PTPRC: variants seen among roughly 807,000 people sequenced by gnomAD.
PTPRC encodes the protein protein tyrosine phosphatase receptor type C.
Under a neutral mutation model 155.9 loss-of-function variants are expected in PTPRC, and 44 were observed. The ratio of observed to expected loss-of-function variants is 0.28; its 90% CI spans 0.22 to 0.36. PTPRC has a LOEUF of 0.36. Among genes scored for constraint, PTPRC ranks in the 10% least tolerant of loss-of-function variants. The probability of loss-of-function intolerance (pLI) is 1.00; values close to 1 mark genes in which losing one functional copy is unlikely to be tolerated. For missense variants in PTPRC, 1,401 were observed against 1,564.6 expected, an observed-to-expected ratio of 0.90 and a Z score of 1.76; for synonymous variants, 525 against 533.1, an observed-to-expected ratio of 0.98 and a Z score of 0.21.
intron 2 of PTPRC, among the ~76,000 whole-genome samples, chr1:198,641,833 C>A (rs1316586044): frequency 6.6e-6 from 1 of 151,914 alleles, no homozygotes; most frequent in Non-Finnish European, 1.5e-5. Context: ...ACAGTTAAGA[C>A]TCATTTCCTG....
intron 2 of PTPRC, among the ~76,000 whole-genome samples, chr1:198,655,150 A>G (rs1000617525): frequency 2.0e-5 from 3 of 152,060 alleles, no homozygotes; most frequent in East Asian, 1.9e-4. Context: ...ACTGAGAGAC[A>G]AGTATTGTTC....
At chr1:198,703,587 T>C in intron 7 of PTPRC, 1 of 715,252 alleles carries the variant, frequency 1.4e-6, no homozygotes, top group Non-Finnish European at 2.3e-6. Context: ...TCATAATTCA[T>C]CAGAAAGCAT....
At chr1:198,675,743 C>T (rs1664915978) in intron 2 of PTPRC, among the ~76,000 whole-genome samples, 1 of 152,036 alleles carries the variant, frequency 6.6e-6, no homozygotes, top group African/African-American at 2.4e-5. Context: ...GTCAACTTTC[C>T]CTGGAAGAGT....
At chr1:198,659,750 T>C (rs1041970228) in intron 2 of PTPRC, among the ~76,000 whole-genome samples, 1 of 151,712 alleles carries the variant, frequency 6.6e-6, no homozygotes, top group African/African-American at 2.4e-5. Context: ...TTCAGGCTGG[T>C]CTCGAGCTCC....
At chr1:198,705,122 T>C (rs1371420073) in intron 8 of PTPRC, among the ~76,000 whole-genome samples, 55 of 150,356 alleles carry the variant, frequency 3.7e-4, no homozygotes, top group Non-Finnish European at 1.5e-5. Flanking sequence ...TTGTCTCTCT[T>C]TTTTTTTTTC....
At chr1:198,750,737 C>A in intron 29 of PTPRC, 111 bp downstream of exon 29, 1 of 1,358,346 alleles carries the variant, frequency 7.4e-7, no homozygotes, top group Non-Finnish European at 1.0e-6. Context: ...ATCCCTCCAT[C>A]ACATAATTCT....
chr1:198,729,228 AT>A (rs1654279723), intron 17 of PTPRC, 57 bp downstream of exon 17: 3 of 1,491,218 alleles, frequency 2.0e-6, no homozygotes, highest in Non-Finnish European at 2.7e-6. Context: ...GAATCCATTC[AT>A]TTTATTTATT....
intron 29 of PTPRC, 146 bp from the exon 30 acceptor site, chr1:198,752,103 A>ATAAG: frequency 2.2e-6 from 2 of 924,270 alleles, no homozygotes; most frequent in Non-Finnish European, 3.3e-6. Context: ...CTGGATTTTT[A>ATAAG]TAAGTAGGTT....
chr1:198,720,677 T>C (rs562669526), intron 14 of PTPRC, among the ~76,000 whole-genome samples: 1 of 152,250 alleles, frequency 6.6e-6, no homozygotes, highest in African/African-American at 2.4e-5. Context: ...TCCTGAAAAA[T>C]TTGTCTTCAT....
chr1:198,748,314 G>A (rs1419514265), intron 27 of PTPRC, 115 bp downstream of exon 27: 2 of 1,374,258 alleles, frequency 1.5e-6, no homozygotes, highest in African/African-American at 1.5e-5. Context: ...TCAACATTTG[G>A]TTGTTAATAG....
chr1:198,695,599 G>A (rs1040932000), intron 3 of PTPRC, among the ~76,000 whole-genome samples: 3 of 148,918 alleles, frequency 2.0e-5, no homozygotes, highest in Admixed American at 6.8e-5. Context: ...GTGCTGATTT[G>A]CCCTGCAGAA....
chr1:198,696,615 T>C, intron 3 of PTPRC, 97 bp from the exon 4 acceptor site: 1 of 970,544 alleles, frequency 1.0e-6, no homozygotes, highest in Non-Finnish European at 1.7e-6. Context: ...ATACACACTA[T>C]AGTGGACTGG....
intron 23 of PTPRC, among the ~76,000 whole-genome samples, chr1:198,739,504 A>C (rs955909152): frequency 3.1e-4 from 47 of 152,004 alleles, no homozygotes; most frequent in Middle Eastern, 6.8e-3. Flanking sequence ...ATAATGATAA[A>C]GGAGTCAATT....
At chr1:198,736,592 C>G (rs776478385) in intron 23 of PTPRC, among the ~76,000 whole-genome samples, 1 of 151,638 alleles carries the variant, frequency 6.6e-6, no homozygotes, top group Non-Finnish European at 1.5e-5. Flanking sequence ...CATCAGTCAA[C>G]TGATGCTTAG....
At chr1:198,697,489 T>C (rs1232096107) in intron 4 of PTPRC, among the ~76,000 whole-genome samples, 1 of 152,208 alleles carries the variant, frequency 6.6e-6, no homozygotes, top group East Asian at 1.9e-4. Flanking sequence ...AAAGGCAATG[T>C]AGCCATGTTC....
chr1:198,735,373 T>C, intron 23 of PTPRC, 121 bp downstream of exon 23: 1 of 950,310 alleles, frequency 1.1e-6, no homozygotes, highest in Non-Finnish European at 1.6e-6. Flanking sequence ...ACCTTTAGGA[T>C]GAAAGCTGTG....
chr1:198,698,275 GAAT>G (rs1294185290), intron 4 of PTPRC, among the ~76,000 whole-genome samples: 6 of 152,134 alleles, frequency 3.9e-5, no homozygotes, highest in Non-Finnish European at 1.5e-5. Context: ...AAATAAGGAT[GAAT>G]AATTTTAAAA....
chr1:198,676,752 A>G (rs772372586), intron 2 of PTPRC, among the ~76,000 whole-genome samples: 3 of 152,196 alleles, frequency 2.0e-5, no homozygotes, highest in Non-Finnish European at 4.4e-5. Context: ...AAGGAATACG[A>G]TAAAGTGCAG....
rs1471980146 is a variant in PTPRC at position 198,756,016 on chromosome 1, G to A, written c.3756G>A (p.Val1252=). ...ATAAAATTGAATTTGATAATGAAGT[G>A]GACAAAGTAAAGCAGGATGCTAATT... ...QEDKIEFDNE[V]DKVKQDANCV... Residue 1252 remains valine (V), a synonymous_variant, in exon 33 of 33, where the codon GTG becomes GTA. Coordinates refer to ENST00000442510, the MANE Select transcript of PTPRC (RefSeq NM_002838.5). 1 of 1,613,266 alleles carries A rather than the reference G, an allele frequency of 6.2e-7. No homozygotes were observed. Among genetic ancestry groups the A allele is most frequent in the East Asian group, 2.2e-5 (1 of 44,824 alleles).
Sources: allele counts gnomAD v4.1 joint callset (sites outside exome capture counted in the v4.1 genomes callset), GRCh38; gene constraint gnomAD v4.1.1; transcripts MANE v1.5; gene names NCBI Gene and HGNC (gene_info 2026-07-23, HGNC 2026-07-21).